The following MAGI2 variants were observed in gnomAD, a reference collection of about 807,000 sequenced individuals.
The protein encoded by MAGI2 is membrane-associated guanylate kinase, WW and PDZ domain-containing protein 2.
In MAGI2, 35 loss-of-function variants were observed where a neutral mutation model predicts 133.3. That is an observed-to-expected ratio of 0.26 (90% CI 0.20 to 0.35). The LOEUF (loss-of-function observed/expected upper bound fraction) is 0.35, where lower values mean the gene tolerates loss of function less well. Among genes scored for constraint, MAGI2 ranks in the 10% least tolerant of loss-of-function variants. The pLI is 1.00. For synonymous variants in MAGI2, 729 were observed against 710.6 expected (o/e 1.03, Z -0.41); for missense variants, 1,636 against 1,863.4 (o/e 0.88, Z 2.25).
intron 7 of MAGI2, chr7:78,347,089 A>T (rs576705624): frequency 6.6e-6 from 1 of 152,390 alleles, no homozygotes; most frequent in South Asian, 2.1e-4. Flanking sequence ...TCGTAAGTGG[A>T]AAGGCTGGAC....
chr7:79,085,340 A>T (rs188091483), intron 1 of MAGI2, among the ~76,000 whole-genome samples: 1 of 151,688 alleles, frequency 6.6e-6, no homozygotes, highest in East Asian at 1.9e-4. Flanking sequence ...TCTAAAATTC[A>T]TATATTTTTA....
At chr7:78,978,850 A>G (rs1157533756) in intron 2 of MAGI2, among the ~76,000 whole-genome samples, 1 of 151,860 alleles carries the variant, frequency 6.6e-6, no homozygotes, top group Non-Finnish European at 1.5e-5. Context: ...ACTCTAGTTG[A>G]TAATATTGTT....
intron 2 of MAGI2, among the ~76,000 whole-genome samples, chr7:78,786,013 T>C (rs377337433): frequency 2.7e-4 from 41 of 151,888 alleles, no homozygotes; most frequent in African/African-American, 8.9e-4. Context: ...AGAGAGGAGG[T>C]GTCTACTGGA....
At chr7:78,969,806 A>G (rs1368732705) in intron 2 of MAGI2, among the ~76,000 whole-genome samples, 2 of 152,070 alleles carry the variant, frequency 1.3e-5, no homozygotes, top group Non-Finnish European at 2.9e-5. Flanking sequence ...CATATTACAA[A>G]TCATAGTAAC....
intron 9 of MAGI2, among the ~76,000 whole-genome samples, chr7:78,294,450 A>G (rs183526921): frequency 8.2e-5 from 12 of 145,616 alleles, no homozygotes; most frequent in African/African-American, 2.7e-4. Context: ...TTGGAACTCT[A>G]AAGGTCTTAA....
chr7:78,127,482 C>T lies in MAGI2; in HGVS notation c.3204-66G>A, dbSNP rs191097090. The T allele has an allele frequency of 2.0e-3, 2,618 of 1,288,936 alleles. 10 individuals are homozygous for T. The highest frequency in any genetic ancestry group is 5.0e-3 in the African/African-American group (342 of 68,660). The allele number at this position is 1,288,936 out of a possible 1,614,324, so 79.8% of individuals were successfully genotyped here. ...TTCTAAAGAGGCTAGAGTGATCACACGGCCTCCAGAGGTGGGCCAGCCATG... is the reference window on the plus strand; with the variant it reads ...TTCTAAAGAGGCTAGAGTGATCACATGGCCTCCAGAGGTGGGCCAGCCATG... On this transcript the variant is annotated intron_variant, in intron 18 of 21. Transcript: ENST00000354212.
intron 2 of MAGI2, among the ~76,000 whole-genome samples, chr7:78,875,934 GA>G (rs1010377189): frequency 7.9e-5 from 12 of 152,158 alleles, no homozygotes; most frequent in South Asian, 2.1e-4. Flanking sequence ...TAGATGTGGG[GA>G]AAAAAATCAG....
chr7:78,162,514 G>T (rs1334917307), intron 15 of MAGI2, among the ~76,000 whole-genome samples: 1 of 138,290 alleles, frequency 7.2e-6, no homozygotes, highest in Non-Finnish European at 1.5e-5. Context: ...GACAGAGCGA[G>T]ACTCTGCCTC....
intron 20 of MAGI2, among the ~76,000 whole-genome samples, chr7:78,088,713 C>G (rs1156435068): frequency 6.6e-6 from 1 of 152,088 alleles, no homozygotes; most frequent in Admixed American, 6.6e-5. Flanking sequence ...CCCACAGCAC[C>G]AAGGCAGGAG....
chr7:78,292,254 T>C (rs953090364), intron 9 of MAGI2, among the ~76,000 whole-genome samples: 2 of 152,170 alleles, frequency 1.3e-5, no homozygotes, highest in African/African-American at 2.4e-5. Context: ...ACAAAATCAA[T>C]CTGCAAAAAT....
At chr7:79,308,523 T>C (rs1266008504) in intron 1 of MAGI2, among the ~76,000 whole-genome samples, 1 of 152,164 alleles carries the variant, frequency 6.6e-6, no homozygotes, top group Non-Finnish European at 1.5e-5. Flanking sequence ...GGTGCTGTAA[T>C]TTCAACTCCC....
intron 1 of MAGI2, among the ~76,000 whole-genome samples, chr7:79,133,276 T>C (rs1191990819): frequency 1.3e-5 from 2 of 152,198 alleles, no homozygotes; most frequent in Non-Finnish European, 2.9e-5. Flanking sequence ...ATTTTTATAG[T>C]TTCAGGTTTT....
chr7:79,181,013 G>C (rs956135722), intron 1 of MAGI2, among the ~76,000 whole-genome samples: 1 of 151,986 alleles, frequency 6.6e-6, no homozygotes, highest in African/African-American at 2.4e-5. Context: ...GTCTTGGGCA[G>C]CTCCACCTCT....
chr7:78,737,246 A>C lies in MAGI2; in HGVS notation c.419-110007T>G, dbSNP rs138575066. Among the ~76,000 whole-genome samples the C allele has an allele frequency of 3.6e-3, 545 of 152,314 alleles. 1 individual carries two copies. Among genetic ancestry groups the C allele is most frequent in the Non-Finnish European group, 5.5e-3 (372 of 68,028 alleles). ...GAGGAAAAGAGTGGCAAAATTAAAG[A>C]GGTAACTGTTATAAATGTGTCAACA... On this transcript the variant is annotated intron_variant, in intron 2 of 21. Coordinates refer to ENST00000354212, the MANE Select transcript of MAGI2 (RefSeq NM_012301.4).
chr7:79,366,815 A>T (rs1330428102), intron 1 of MAGI2, among the ~76,000 whole-genome samples: 2 of 152,178 alleles, frequency 1.3e-5, no homozygotes, highest in Admixed American at 1.3e-4. Flanking sequence ...TTGAAACAGA[A>T]TTTTTTCATA....
At chr7:79,014,811 A>G (rs956077169) in intron 1 of MAGI2, among the ~76,000 whole-genome samples, 1 of 152,174 alleles carries the variant, frequency 6.6e-6, no homozygotes, top group African/African-American at 2.4e-5. Flanking sequence ...CAAAATATCT[A>G]GATAATTTAG....
chr7:79,025,659 G>A (rs971458550), intron 1 of MAGI2, among the ~76,000 whole-genome samples: 15 of 152,218 alleles, frequency 9.9e-5, no homozygotes, highest in Non-Finnish European at 2.1e-4. Flanking sequence ...GAAGGACCAT[G>A]GGAAGATTTC....
chr7:78,392,197 G>T (rs113747522), intron 6 of MAGI2, among the ~76,000 whole-genome samples: 43 of 152,302 alleles, frequency 2.8e-4, no homozygotes, highest in African/African-American at 9.9e-4. Context: ...ATGCATGAAG[G>T]TGCAGGTACG....
At chr7:79,176,281 T>A (rs150725259) in intron 1 of MAGI2, among the ~76,000 whole-genome samples, 1 of 151,990 alleles carries the variant, frequency 6.6e-6, no homozygotes, top group African/African-American at 2.4e-5. Flanking sequence ...ATTGCCCACA[T>A]CCACTTACTG....
Sources: allele counts gnomAD v4.1 joint callset (sites outside exome capture counted in the v4.1 genomes callset), GRCh38; gene constraint gnomAD v4.1.1; transcripts MANE v1.5; gene names NCBI Gene and HGNC (gene_info 2026-07-23, HGNC 2026-07-21).